Variants in RPS6KC1 observed in about 807,000 individuals in gnomAD.
The protein encoded by RPS6KC1 is inactive ribosomal protein S6 kinase delta-1.
A neutral mutation model predicts 103.8 loss-of-function variants in RPS6KC1; 54 were observed. That is an observed-to-expected ratio of 0.52 (90% CI 0.42 to 0.65). The LOEUF (loss-of-function observed/expected upper bound fraction) is 0.65. RPS6KC1 is among the 30% of genes least tolerant of loss of function. RPS6KC1 has a pLI of 0.00. For synonymous variants in RPS6KC1, 439 were observed against 438.7 expected, an observed-to-expected ratio of 1.00 and a Z score of -0.01; for missense variants, 1,151 against 1,253.8, an observed-to-expected ratio of 0.92 and a Z score of 1.24.
the RPS6KC1 span, among the ~76,000 whole-genome samples, chr1:213,303,368 C>A: frequency 6.6e-6 from 1 of 152,218 alleles, no homozygotes; most frequent in Non-Finnish European, 1.5e-5. Context: ...CTGACCTTTG[C>A]AATCTCTCAG....
At chr1:213,489,739 G>T in the RPS6KC1 span, among the ~76,000 whole-genome samples, 1 of 152,172 alleles carries the variant, frequency 6.6e-6, no homozygotes, top group East Asian at 1.9e-4. Context: ...GTTATCCCAG[G>T]CATAGAAAGG....
chr1:213,852,850 G>A, the RPS6KC1 span, among the ~76,000 whole-genome samples: 5 of 152,118 alleles, frequency 3.3e-5, no homozygotes, highest in African/African-American at 7.2e-5. Context: ...TGCTAGTATC[G>A]CAAGAGTCTC....
the RPS6KC1 span, among the ~76,000 whole-genome samples, chr1:213,851,162 A>G: frequency 6.6e-6 from 1 of 152,060 alleles, no homozygotes; most frequent in Non-Finnish European, 1.5e-5. Flanking sequence ...CCCATTCCTA[A>G]AATCTATGAC....
At chr1:213,809,221 G>T in the RPS6KC1 span, among the ~76,000 whole-genome samples, 91 of 152,294 alleles carry the variant, frequency 6.0e-4, no homozygotes, top group Middle Eastern at 6.8e-3. Context: ...AGAGAGGCTT[G>T]AGGAGACAGA....
chr1:213,718,940 A>C, the RPS6KC1 span, among the ~76,000 whole-genome samples: 1 of 152,226 alleles, frequency 6.6e-6, no homozygotes, highest in African/African-American at 2.4e-5. Context: ...AGTGGAGAGA[A>C]GAAGAGAAAG....
chr1:213,218,864 A>G (rs2093743316), intron 8 of RPS6KC1, among the ~76,000 whole-genome samples: 1 of 152,244 alleles, frequency 6.6e-6, no homozygotes, highest in Non-Finnish European at 1.5e-5. Context: ...TTATAAAAAA[A>G]TTAAATTTGG....
the RPS6KC1 span, among the ~76,000 whole-genome samples, chr1:213,695,734 T>C: frequency 6.6e-6 from 1 of 152,230 alleles, no homozygotes; most frequent in Non-Finnish European, 1.5e-5. Context: ...TGTCAGGTTA[T>C]TGATTGTAGT....
intron 8 of RPS6KC1, among the ~76,000 whole-genome samples, chr1:213,218,475 T>C (rs375102582): frequency 6.6e-6 from 1 of 152,120 alleles, no homozygotes; most frequent in Admixed American, 6.6e-5. Flanking sequence ...AATGCCATCC[T>C]CATCAAGCTA....
intron 10 of RPS6KC1, among the ~76,000 whole-genome samples, chr1:213,237,549 T>C (rs562468846): frequency 1.3e-5 from 2 of 152,098 alleles, no homozygotes; most frequent in Non-Finnish European, 2.9e-5. Flanking sequence ...TTGAGAATTA[T>C]ATGTAGGACA....
the RPS6KC1 span, among the ~76,000 whole-genome samples, chr1:213,825,637 C>T: frequency 6.6e-6 from 1 of 151,952 alleles, no homozygotes; most frequent in Admixed American, 6.6e-5. Context: ...TGTTTAACAA[C>T]CTAGGAAGTT....
chr1:213,305,466 T>C, the RPS6KC1 span, among the ~76,000 whole-genome samples: 1 of 152,168 alleles, frequency 6.6e-6, no homozygotes, highest in East Asian at 1.9e-4. Flanking sequence ...GTATGTGAAA[T>C]AAGTTTCCAA....
chr1:213,840,172 T>C, the RPS6KC1 span: 1 of 152,206 alleles, frequency 6.6e-6, no homozygotes. Flanking sequence ...TCTTCTCTAA[T>C]GTCAGTAGTC....
the RPS6KC1 span, among the ~76,000 whole-genome samples, chr1:213,338,769 ATTTT>A: frequency 2.9e-5 from 4 of 138,328 alleles, no homozygotes; most frequent in African/African-American, 1.1e-4. Flanking sequence ...GTCTTGCAGC[ATTTT>A]TTTTTTTTTT....
intron 12 of RPS6KC1, among the ~76,000 whole-genome samples, chr1:213,255,165 A>G (rs1429946027): frequency 2.0e-5 from 3 of 151,814 alleles, no homozygotes; most frequent in Non-Finnish European, 4.4e-5. Context: ...AAATTAGCCA[A>G]GTGTGGTCCC....
the RPS6KC1 span, among the ~76,000 whole-genome samples, chr1:213,356,793 G>T: frequency 3.3e-5 from 5 of 152,232 alleles, no homozygotes; most frequent in African/African-American, 9.6e-5. Flanking sequence ...AGATCCCTCA[G>T]CCTGGGGTGG....
chr1:213,128,694 A>T (rs988962470), intron 5 of RPS6KC1, among the ~76,000 whole-genome samples: 5 of 152,212 alleles, frequency 3.3e-5, no homozygotes, highest in Non-Finnish European at 5.9e-5. Context: ...TTCAGTTTTT[A>T]AAAAATGCTA....
At chr1:213,725,199 C>T in the RPS6KC1 span, among the ~76,000 whole-genome samples, 3 of 152,206 alleles carry the variant, frequency 2.0e-5, no homozygotes, top group Non-Finnish European at 4.4e-5. Context: ...TAACTCATTA[C>T]TTGGATACGA....
chr1:213,339,721 C>A, the RPS6KC1 span, among the ~76,000 whole-genome samples: 1 of 152,162 alleles, frequency 6.6e-6, no homozygotes. Context: ...TTAAGGCTCA[C>A]AGAGGCTGCC....
chr1:213,244,860 G>C (rs1422992743), intron 12 of RPS6KC1, among the ~76,000 whole-genome samples: 1 of 152,166 alleles, frequency 6.6e-6, no homozygotes, highest in African/African-American at 2.4e-5. Flanking sequence ...AGTCTGAAGA[G>C]GTGCTTTGTT....
Sources: allele counts gnomAD v4.1 joint callset (sites outside exome capture counted in the v4.1 genomes callset), GRCh38; gene constraint gnomAD v4.1.1; transcripts MANE v1.5; gene names NCBI Gene and HGNC (gene_info 2026-07-23, HGNC 2026-07-21).